The following CEP72 variants were observed in gnomAD, a reference collection of about 807,000 sequenced individuals.
The protein encoded by CEP72 is centrosomal protein of 72 kDa.
A neutral mutation model predicts 65.7 loss-of-function variants in CEP72; 78 were observed. The observed-to-expected ratio is 1.19, with a 90% confidence interval of 0.99 to 1.43. The LOEUF is 1.43. Among genes scored for constraint, CEP72 ranks in the 40% most tolerant of loss-of-function variants. The probability of loss-of-function intolerance (pLI) is 0.00; values close to 1 mark genes in which losing one functional copy is unlikely to be tolerated. For synonymous variants in CEP72, 358 were observed against 351.7 expected (o/e 1.02, Z -0.20); for missense variants, 914 against 832.9 (o/e 1.10, Z -1.20).
At chr5:655,627 G>A (rs1408853650), downstream of CEP72, 3 of 151,882 alleles carry the variant, frequency 2.0e-5, no homozygotes, top group Non-Finnish European at 2.9e-5. This position sits in a 1 kb window ranked among gnomAD's most constrained non-coding sequence, Gnocchi z 5.0. Context: ...TGGAGGGCGC[G>A]GGGTGGCGGA....
intron 9 of CEP72, chr5:641,155 A>T: frequency 2.0e-6 from 2 of 984,798 alleles, no homozygotes; most frequent in African/African-American, 3.5e-5. Flanking sequence ...CTGAGGCCTC[A>T]TGGGGGCTCT....
At chr5:625,150 C>T (rs1333958933) in intron 4 of CEP72, among the ~76,000 whole-genome samples, 2 of 152,128 alleles carry the variant, frequency 1.3e-5, no homozygotes, top group African/African-American at 4.8e-5. Context: ...CTGCTGCCTG[C>T]ATGTCTATGT....
intron 1 of CEP72, among the ~76,000 whole-genome samples, chr5:618,490 T>G (rs1332880461): frequency 6.6e-6 from 1 of 152,238 alleles, no homozygotes; most frequent in African/African-American, 2.4e-5. Flanking sequence ...ATGACCCTTG[T>G]CAGGCACAGT....
At chr5:672,213 G>A in the CEP72 span, among the ~76,000 whole-genome samples, 1 of 152,054 alleles carries the variant, frequency 6.6e-6, no homozygotes, top group African/African-American at 2.4e-5. Flanking sequence ...GGCTGGCCGG[G>A]GGGGTGTACC....
downstream of CEP72, among the ~76,000 whole-genome samples, chr5:669,662 G>C (rs1740127510): frequency 1.3e-5 from 2 of 152,146 alleles, no homozygotes; most frequent in Admixed American, 6.5e-5. Context: ...CTCGGCGGGA[G>C]GGGGATGGCT....
downstream of CEP72, among the ~76,000 whole-genome samples, chr5:656,240 T>C (rs2126839756): frequency 6.6e-6 from 1 of 152,324 alleles, no homozygotes; most frequent in East Asian, 1.9e-4. Context: ...CCACACACTC[T>C]GGGGCGCGTA....
At chr5:668,431 C>T (rs1306473726), downstream of CEP72, among the ~76,000 whole-genome samples, 15 of 126,004 alleles carry the variant, frequency 1.2e-4, no homozygotes, top group East Asian at 4.0e-4. Context: ...GCCGCGTGGG[C>T]GCCGTCAGGG....
At chr5:656,235 C>A (rs1739374542), downstream of CEP72, among the ~76,000 whole-genome samples, 1 of 152,220 alleles carries the variant, frequency 6.6e-6, no homozygotes, top group African/African-American at 2.4e-5. Flanking sequence ...CAATACCACA[C>A]ACTCTGGGGC....
intron 11 of CEP72, among the ~76,000 whole-genome samples, chr5:649,413 CTG>C (rs1319169453): frequency 3.2e-4 from 36 of 111,456 alleles, no homozygotes; most frequent in Non-Finnish European, 5.2e-4. Context: ...GAGGCGTGGA[CTG>C]TGAGGCGTGG....
At chr5:612,618 C>G in intron 1 of CEP72, 175 bp downstream of exon 1, 1 of 985,420 alleles carries the variant, frequency 1.0e-6, no homozygotes, top group Non-Finnish European at 1.2e-6. Context: ...GACCCACCCC[C>G]CGTGCCCAGG....
At chr5:642,456 C>A in intron 9 of CEP72, 1 of 985,500 alleles carries the variant, frequency 1.0e-6, no homozygotes, top group Non-Finnish European at 1.2e-6. Flanking sequence ...TGGGCGCCGT[C>A]ACTGATGATG....
At chr5:670,157 G>A (rs984521305), downstream of CEP72, among the ~76,000 whole-genome samples, 1 of 152,210 alleles carries the variant, frequency 6.6e-6, no homozygotes, top group African/African-American at 2.4e-5. Flanking sequence ...CTGGGCTCAG[G>A]CCAGGACAGC....
chr5:658,654 T>G (rs1739455184), downstream of CEP72, among the ~76,000 whole-genome samples: 1 of 33,710 alleles, frequency 3.0e-5, no homozygotes, highest in South Asian at 1.0e-3. Flanking sequence ...GATTTTTTTT[T>G]TTTTTTTTTT....
chr5:637,909 C>A, intron 7 of CEP72, 91 bp downstream of exon 7: 1 of 1,231,552 alleles, frequency 8.1e-7, no homozygotes, highest in Non-Finnish European at 1.1e-6. Context: ...ATTACGCCTG[C>A]GGCACTGACT....
chr5:671,563 C>T (rs542235882), downstream of CEP72, among the ~76,000 whole-genome samples: 1 of 152,346 alleles, frequency 6.6e-6, no homozygotes, highest in South Asian at 2.1e-4. Context: ...TGGCCAAGCG[C>T]AGGAGACGGG....
At chr5:626,776 G>C (rs142001815) in intron 4 of CEP72, among the ~76,000 whole-genome samples, 1 of 152,126 alleles carries the variant, frequency 6.6e-6, no homozygotes. Flanking sequence ...AGCTATGATC[G>C]CACCACTGCA....
At position 640,609 on chromosome 5, in the gene CEP72, G is replaced by A. The variant is rs1579994060; in HGVS notation, c.1539+5G>A. On this transcript the variant is annotated splice_donor_5th_base_variant and intron_variant, in intron 9 of 11. Coordinates refer to ENST00000264935, the MANE Select transcript of CEP72 (RefSeq NM_018140.4). Reference sequence around the variant, plus strand: ...CACCACACACACAAGGAGCTGGTGAGCCCGCCCTGGCGCTGTGTCTGTGTC... The same window carrying A: ...CACCACACACACAAGGAGCTGGTGAACCCGCCCTGGCGCTGTGTCTGTGTC... 19 of 1,607,442 alleles carry A rather than the reference G, an allele frequency of 1.2e-5. No individual in the cohort carries two copies. In the East Asian group the frequency reaches 4.2e-4, roughly 36 times the overall value.
chr5:656,747 TTA>T (rs200355517), downstream of CEP72, among the ~76,000 whole-genome samples: 1,444 of 152,308 alleles, frequency 9.5e-3, 12 homozygotes, highest in Non-Finnish European at 0.015. Context: ...GATTTTTACT[TTA>T]TGTTTTTATT....
intron 11 of CEP72, among the ~76,000 whole-genome samples, chr5:648,593 CTG>C (rs1277137035): frequency 5.4e-5 from 6 of 111,620 alleles, no homozygotes; most frequent in Admixed American, 5.1e-4. Context: ...TGAGGTGTGA[CTG>C]TGAGGCGTGG....
Sources: allele counts gnomAD v4.1 joint callset (sites outside exome capture counted in the v4.1 genomes callset), GRCh38; gene constraint gnomAD v4.1.1; non-coding constraint Gnocchi (gnomAD v3.1); transcripts MANE v1.5; gene names NCBI Gene and HGNC (gene_info 2026-07-23, HGNC 2026-07-21).